VPS37B: variants seen among roughly 807,000 people sequenced by gnomAD.
The protein encoded by VPS37B is vacuolar protein sorting-associated protein 37B.
In VPS37B, 11 loss-of-function variants were observed where a neutral mutation model predicts 21.2. The observed-to-expected ratio is 0.52, with a 90% confidence interval of 0.33 to 0.86. The LOEUF is 0.86. Ranked by LOEUF, VPS37B falls within the 40% of genes least tolerant of loss-of-function variation. VPS37B has a pLI of 0.03. For missense variants in VPS37B, 389 were observed against 374.8 expected (o/e 1.04, Z -0.31); for synonymous variants, 175 against 159.6 (o/e 1.10, Z -0.73).
chr12:122,875,927 C>T (rs1310629140), intron 1 of VPS37B: 1 of 151,032 alleles, frequency 6.6e-6, no homozygotes, highest in Admixed American at 6.6e-5. Flanking sequence ...AAATTGAAAA[C>T]AGTGATGCCA....
At chr12:122,873,770 G>A (rs1452429435) in intron 1 of VPS37B, 1 of 152,238 alleles carries the variant, frequency 6.6e-6, no homozygotes, top group Admixed American at 6.5e-5. Context: ...CATCAGTGAA[G>A]ATTAAATCTG....
chr12:122,877,845 T>C (rs2034179808), intron 1 of VPS37B: 1 of 151,934 alleles, frequency 6.6e-6, no homozygotes. Flanking sequence ...CAAGGGTGTC[T>C]CATGTATTCG....
At chr12:122,879,119 A>T (rs1378669093) in intron 1 of VPS37B, 1 of 152,222 alleles carries the variant, frequency 6.6e-6, no homozygotes, top group Non-Finnish European at 1.5e-5. Context: ...GGAACAGGGT[A>T]CCCTGATTTC....
chr12:122,871,735 G>A, intron 1 of VPS37B: 2 of 976,042 alleles, frequency 2.0e-6, no homozygotes, highest in Non-Finnish European at 2.4e-6. Context: ...GCAATGACAG[G>A]CTACCCTGGT....
At chr12:122,872,608 G>A (rs935619359) in intron 1 of VPS37B, 23 of 985,224 alleles carry the variant, frequency 2.3e-5, no homozygotes, top group East Asian at 1.1e-4. Context: ...CCCACAGGGC[G>A]GCTCTCCATG....
chr12:122,871,265 T>C lies in VPS37B; in HGVS notation c.112-204A>G, dbSNP rs542156435. ...TGGAGCTGCTGCCCGTCGTAAAGAA[T>C]GAGGCCGACTTCCTTCCAGCACGTT... On this transcript the variant is annotated intron_variant, in intron 1 of 3. Transcript: ENST00000267202. 1.5e-4 allele frequency: 199 copies of C among 1,348,822 alleles called. 5 individuals carry two copies. In the South Asian group the frequency reaches 3.6e-3, roughly 24 times the overall value. 83.6% of individuals were successfully genotyped at this position (1,348,822 alleles called of 1,614,324 possible). A position where few individuals can be genotyped will look rare whatever the true frequency, so the allele number is the denominator to read the frequency against.
In VPS37B at chr12:122,872,417, A is replaced by G. The variant is rs189519838; in HGVS notation, c.112-1356T>C. 1.1e-4 allele frequency: 111 copies of G among 985,526 alleles called. No individual in the cohort carries two copies. In the African/African-American group the frequency reaches 1.9e-3, roughly 17 times the overall value. The allele number at this position is 985,526 out of a possible 1,614,324, so 61.0% of individuals were successfully genotyped here. A position where few individuals can be genotyped will look rare whatever the true frequency, so the allele number is the denominator to read the frequency against. On this transcript the variant is annotated intron_variant, in intron 1 of 3. Transcript: ENST00000267202. ...ACCCAACAGGATTTAAATGACAATG[A>G]AAACCAAACCTCTCTCCCAACTCTA...
intron 1 of VPS37B, chr12:122,877,637 G>A (rs996216691): frequency 6.6e-6 from 1 of 152,238 alleles, no homozygotes; most frequent in African/African-American, 2.4e-5. Context: ...TCTTCAGCCT[G>A]GAACGCCCTC....
intron 1 of VPS37B, chr12:122,883,108 A>C (rs991381891): frequency 6.6e-6 from 1 of 152,232 alleles, no homozygotes; most frequent in African/African-American, 2.4e-5. Flanking sequence ...TCAGGAAGGA[A>C]ACTTACCAGC....
At chr12:122,882,744 A>C (rs2135707689) in intron 1 of VPS37B, 1 of 152,342 alleles carries the variant, frequency 6.6e-6, no homozygotes, top group Non-Finnish European at 1.5e-5. Context: ...CTTTACATTA[A>C]AGGCTAGGTT....
At position 122,865,391 on chromosome 12, in the gene VPS37B, A is replaced by G. The variant is rs1028359676; in HGVS notation, c.*1725T>C. On this transcript the variant is annotated 3_prime_UTR_variant, in exon 4 of 4. Transcript: ENST00000267202. ...CAGCTTTACAGCCACAGCACCGGACACGGCCCTGGACAGCGACGGCGAGCC... is the reference window on the plus strand; with the variant it reads ...CAGCTTTACAGCCACAGCACCGGACGCGGCCCTGGACAGCGACGGCGAGCC... 6.6e-6 allele frequency: 1 copy of G among 152,234 alleles called. No homozygotes were observed. The highest frequency in any genetic ancestry group is 1.5e-5 in the Non-Finnish European group (1 of 68,042). The allele number at this position is 152,234 out of a possible 1,614,324, so 9.4% of individuals were successfully genotyped here.
At chr12:122,876,209 AGT>A (rs1277050221) in intron 1 of VPS37B, 1 of 152,220 alleles carries the variant, frequency 6.6e-6, no homozygotes, top group African/African-American at 2.4e-5. Flanking sequence ...CAGCAGCCCG[AGT>A]GGTATGATTT....
chr12:122,880,248 A>T (rs1331072480), intron 1 of VPS37B: 1 of 152,204 alleles, frequency 6.6e-6, no homozygotes, highest in Non-Finnish European at 1.5e-5. Flanking sequence ...AACCAGCTAT[A>T]AACTGGGAAA....
rs956401185 is a variant in VPS37B, at chr12:122,868,116, G to A, written c.366+364C>T. On this transcript the variant is annotated intron_variant, in intron 3 of 3. Transcript: ENST00000267202. The surrounding 1 kb of genome is among the most constrained non-coding windows in gnomAD (Gnocchi z 5.5). ...GACTCATTTCCTTATCGCCTGGCGA[G>A]GCTCAAGGCTCTAATGCGCAGCTGG... Among the ~76,000 whole-genome samples, 2 of 152,224 alleles carry A rather than the reference G, an allele frequency of 1.3e-5. No homozygotes were observed. The highest frequency in any genetic ancestry group is 2.4e-5 in the African/African-American group (1 of 41,446).
chr12:122,868,434 C>G lies in VPS37B; in HGVS notation c.366+46G>C. 2 of 1,578,584 alleles carry G rather than the reference C, an allele frequency of 1.3e-6. No homozygotes were observed. The highest frequency in any genetic ancestry group is 1.7e-6 in the Non-Finnish European group (2 of 1,155,380). On this transcript the variant is annotated intron_variant, in intron 3 of 3. Coordinates refer to ENST00000267202, the MANE Select transcript of VPS37B (RefSeq NM_024667.3). This position sits in a 1 kb window ranked among gnomAD's most constrained non-coding sequence, Gnocchi z 5.5. ...TCCCTGGAGGCAGCGGGCCCACGGA[C>G]TGCCCAAAGCGCCCCAAGGATTCCA...
At chr12:122,872,887 T>C (rs2034066113) in intron 1 of VPS37B, 1 of 188,094 alleles carries the variant, frequency 5.3e-6, no homozygotes, top group Admixed American at 6.5e-5. Context: ...CAGGTGTCTT[T>C]TAACAGGTGA....
At chr12:122,869,706 T>C (rs1187600351) in intron 2 of VPS37B, among the ~76,000 whole-genome samples, 1 of 152,060 alleles carries the variant, frequency 6.6e-6, no homozygotes, top group Non-Finnish European at 1.5e-5. Context: ...GCCTTCAGAG[T>C]AGGTGGGACT....
chr12:122,871,471 C>A (rs549958001), intron 1 of VPS37B: 31 of 989,878 alleles, frequency 3.1e-5, no homozygotes, highest in Admixed American at 1.2e-4. Flanking sequence ...AATCACTTAT[C>A]AGCAGGAGAC....
In VPS37B at chr12:122,895,890, G is replaced by A. The variant is rs758093848; in HGVS notation, c.111+62C>T. 5.3e-6 allele frequency: 8 copies of A among 1,512,202 alleles called. No individual in the cohort carries two copies. In the Admixed American group the frequency reaches 1.0e-4, roughly 19 times the overall value. 93.7% of individuals were successfully genotyped at this position (1,512,202 alleles called of 1,614,324 possible). A position where few individuals can be genotyped will look rare whatever the true frequency, so the allele number is the denominator to read the frequency against. ...GCGGTCGCCTCCGCCTCCGGCCACC[G>A]TTCGAGGAGCGAACCCCGCTCGAGG... is the stretch of plus-strand genomic sequence containing the variant. On this transcript the variant is annotated intron_variant, in intron 1 of 3. Coordinates refer to ENST00000267202, the MANE Select transcript of VPS37B (RefSeq NM_024667.3).
Sources: gnomAD v4.1 joint callset for allele counts (sites outside exome capture counted in the v4.1 genomes callset) on GRCh38, gnomAD v4.1.1 for gene constraint, Gnocchi (gnomAD v3.1) non-coding constraint, MANE v1.5 for transcripts, NCBI Gene and HGNC (gene_info 2026-07-23, HGNC 2026-07-21) for gene names.